Variants in MGAT5 observed in about 807,000 individuals in gnomAD.
MGAT5 encodes alpha-1,6-mannosylglycoprotein 6-beta-N-acetylglucosaminyltransferase A.
Under a neutral mutation model 94.3 loss-of-function variants are expected in MGAT5, and 30 were observed. The ratio of observed to expected loss-of-function variants is 0.32; its 90% CI spans 0.24 to 0.43. The LOEUF is 0.43. MGAT5 is among the 20% of genes least tolerant of loss of function. The pLI, the probability that MGAT5 is intolerant of heterozygous loss-of-function variation, is 1.00. For synonymous variants in MGAT5, 310 were observed against 322.9 expected (o/e 0.96, Z 0.43); for missense variants, 691 against 905.5 (o/e 0.76, Z 3.04).
intron 11 of MGAT5, among the ~76,000 whole-genome samples, chr2:134,409,265 G>A (rs1683514462): frequency 6.6e-6 from 1 of 152,178 alleles, no homozygotes; most frequent in Non-Finnish European, 1.5e-5. Context: ...GCAACCCCAT[G>A]AAATAAAGCA....
intron 12 of MGAT5, among the ~76,000 whole-genome samples, chr2:134,421,340 T>C (rs1436433793): frequency 6.6e-6 from 1 of 152,174 alleles, no homozygotes; most frequent in Non-Finnish European, 1.5e-5. Context: ...ATCCTAGCAC[T>C]TTGGGGGCTG....
At chr2:134,375,153 G>T (rs1466591223) in intron 10 of MGAT5, among the ~76,000 whole-genome samples, 1 of 152,182 alleles carries the variant, frequency 6.6e-6, no homozygotes, top group African/African-American at 2.4e-5. Context: ...TGTGTTCCAG[G>T]CATGGCCTTC....
intron 2 of MGAT5, among the ~76,000 whole-genome samples, chr2:134,276,070 G>A (rs1684341712): frequency 6.6e-6 from 1 of 152,120 alleles, no homozygotes; most frequent in African/African-American, 2.4e-5. Context: ...GGTTAGTGCA[G>A]AAAGACGCCT....
chr2:134,315,335 C>T (rs935374880), intron 2 of MGAT5, among the ~76,000 whole-genome samples: 7 of 152,188 alleles, frequency 4.6e-5, no homozygotes, highest in Admixed American at 3.9e-4. Flanking sequence ...TTTTGTGGAA[C>T]CTCTGCTGCT....
At chr2:134,151,469 G>C (rs1338998573) in intron 1 of MGAT5, among the ~76,000 whole-genome samples, 20 of 83,026 alleles carry the variant, frequency 2.4e-4, no homozygotes, top group Admixed American at 7.8e-4. Flanking sequence ...CCCTATGGGA[G>C]CCGCCCACTG....
chr2:134,313,013 T>A (rs535697997), intron 2 of MGAT5, among the ~76,000 whole-genome samples: 1 of 151,282 alleles, frequency 6.6e-6, no homozygotes. Context: ...TTCCTTGCTC[T>A]GAGGCCACAG....
intron 2 of MGAT5, among the ~76,000 whole-genome samples, chr2:134,271,618 A>G (rs1285962663): frequency 6.6e-6 from 1 of 152,216 alleles, no homozygotes; most frequent in Non-Finnish European, 1.5e-5. Flanking sequence ...GTTTTACATT[A>G]TGCAAGGTGG....
At chr2:134,130,293 G>A (rs961134051) in intron 1 of MGAT5, among the ~76,000 whole-genome samples, 14 of 103,242 alleles carry the variant, frequency 1.4e-4, no homozygotes, top group African/African-American at 4.3e-4. Context: ...GTGGGCTCCC[G>A]AGTGGCCTGA....
At chr2:134,433,696 A>G (rs147790204) in intron 14 of MGAT5, among the ~76,000 whole-genome samples, 2 of 152,264 alleles carry the variant, frequency 1.3e-5, no homozygotes, top group African/African-American at 2.4e-5. Flanking sequence ...CAGTTACTCA[A>G]TATTTATGGA....
intron 10 of MGAT5, among the ~76,000 whole-genome samples, chr2:134,372,487 C>A (rs1030012712): frequency 9.2e-5 from 14 of 152,172 alleles, no homozygotes; most frequent in African/African-American, 3.4e-4. Context: ...CTCGTAGCCT[C>A]TTGAAGCATG....
At chr2:134,332,718 C>A (rs201508889) in intron 4 of MGAT5, among the ~76,000 whole-genome samples, 59 of 142,814 alleles carry the variant, frequency 4.1e-4, no homozygotes, top group African/African-American at 5.4e-4. Context: ...CCAGAATCTA[C>A]AATGAACTCA....
chr2:134,421,344 G>A (rs994175677), intron 12 of MGAT5, among the ~76,000 whole-genome samples: 3 of 152,144 alleles, frequency 2.0e-5, no homozygotes, highest in African/African-American at 4.8e-5. Context: ...TAGCACTTTG[G>A]GGGCTGAGAC....
chr2:134,353,268 G>A (rs1478615242), intron 9 of MGAT5, among the ~76,000 whole-genome samples: 1 of 152,116 alleles, frequency 6.6e-6, no homozygotes, highest in Non-Finnish European at 1.5e-5. Context: ...AAACCTAGCT[G>A]TACACGTGAG....
chr2:134,423,461 G>T (rs1490230143), intron 13 of MGAT5, among the ~76,000 whole-genome samples: 2 of 152,186 alleles, frequency 1.3e-5, no homozygotes, highest in Non-Finnish European at 2.9e-5. Flanking sequence ...GGAGGGCGGG[G>T]TGTTTACTTC....
intron 1 of MGAT5, among the ~76,000 whole-genome samples, chr2:134,142,616 C>A (rs1573733387): frequency 6.6e-6 from 1 of 152,314 alleles, no homozygotes; most frequent in South Asian, 2.1e-4. Context: ...CCAAAGGGCA[C>A]TGGGGAGCCA....
At chr2:134,360,085 C>T (rs1679988628) in intron 9 of MGAT5, among the ~76,000 whole-genome samples, 1 of 152,134 alleles carries the variant, frequency 6.6e-6, no homozygotes, top group Admixed American at 6.5e-5. Context: ...TAAGTCTCAC[C>T]TGAGGTCCTT....
At chr2:134,189,602 G>GGTTTTTTTTTT (rs1558978046) in intron 1 of MGAT5, among the ~76,000 whole-genome samples, 1 of 84,672 alleles carries the variant, frequency 1.2e-5, no homozygotes, top group South Asian at 4.2e-4. Context: ...GTTTTTTTTT[G>GGTTTTTTTTTT]TTTTTTTTTT....
chr2:134,159,518 T>C (rs1300664637), intron 1 of MGAT5, among the ~76,000 whole-genome samples: 1 of 152,212 alleles, frequency 6.6e-6, no homozygotes. Context: ...ATTTGTACTT[T>C]CACATGATCT....
At chr2:134,347,403 G>T (rs1017170874) in intron 8 of MGAT5, among the ~76,000 whole-genome samples, 3 of 152,256 alleles carry the variant, frequency 2.0e-5, no homozygotes, top group Middle Eastern at 3.4e-3. Flanking sequence ...CGGGCTTTCA[G>T]GAGTTAGGCC....
Sources: allele counts gnomAD v4.1 joint callset (sites outside exome capture counted in the v4.1 genomes callset), GRCh38; gene constraint gnomAD v4.1.1; transcripts MANE v1.5; gene names NCBI Gene and HGNC (gene_info 2026-07-23, HGNC 2026-07-21).